Variants in PHIP observed in about 807,000 individuals in gnomAD.
PHIP encodes PHIP subunit of CUL4-Ring ligase complex.
PHIP carries 54 observed loss-of-function variants against 236.8 expected under a neutral mutation model. The ratio of observed to expected loss-of-function variants is 0.23; its 90% confidence interval spans 0.18 to 0.29. The LOEUF (loss-of-function observed/expected upper bound fraction) is 0.29. Ranked by LOEUF, PHIP falls within the 10% of genes least tolerant of loss-of-function variation. The probability of loss-of-function intolerance (pLI) is 1.00; values close to 1 mark genes in which losing one functional copy is unlikely to be tolerated. For synonymous variants in PHIP, 756 were observed against 718.9 expected, an observed-to-expected ratio of 1.05 and a Z score of -0.83; for missense variants, 1,370 against 2,190.8, an observed-to-expected ratio of 0.63 and a Z score of 7.48.
chr6:78,996,056 C>G (rs1769591954), intron 19 of PHIP, among the ~76,000 whole-genome samples: 1 of 152,202 alleles, frequency 6.6e-6, no homozygotes, highest in Admixed American at 6.5e-5. Context: ...CTTCCTCACT[C>G]CTCAGGTTCC....
intron 6 of PHIP, among the ~76,000 whole-genome samples, chr6:79,056,639 T>C (rs1487030848): frequency 6.6e-6 from 1 of 152,094 alleles, no homozygotes; most frequent in Non-Finnish European, 1.5e-5. Flanking sequence ...GGGATGCTAA[T>C]AAACATCCAA....
chr6:79,037,699 C>G (rs1772008907), intron 7 of PHIP, among the ~76,000 whole-genome samples: 1 of 152,310 alleles, frequency 6.6e-6, no homozygotes, highest in Non-Finnish European at 1.5e-5. Flanking sequence ...AACCGAAGTA[C>G]AGTAGCAGAG....
At chr6:78,980,773 G>T (rs1768472515) in intron 23 of PHIP, among the ~76,000 whole-genome samples, 1 of 151,964 alleles carries the variant, frequency 6.6e-6, no homozygotes, top group Non-Finnish European at 1.5e-5. Context: ...ATACTGAGGA[G>T]CTAAAAGTTT....
intron 7 of PHIP, among the ~76,000 whole-genome samples, chr6:79,032,727 G>A (rs970247991): frequency 3.3e-5 from 5 of 151,212 alleles, no homozygotes; most frequent in African/African-American, 1.2e-4. Flanking sequence ...TCCTGTTAAT[G>A]TTGACATTCT....
At chr6:79,021,722 G>A (rs193011742) in intron 9 of PHIP, among the ~76,000 whole-genome samples, 1 of 152,272 alleles carries the variant, frequency 6.6e-6, no homozygotes, top group Non-Finnish European at 1.5e-5. Context: ...ATTATAGGCT[G>A]GGAAAGGTAG....
At position 78,983,040 on chromosome 6, in the gene PHIP, T is replaced by C. The variant is rs771336256; in HGVS notation, c.2615A>G (p.Asn872Ser). ...NLQPPKKVPK[N>S]KTKKAESSSD... ...ACTGCTTTCTGCTTTCTTGGTTTTATTCTTAGGAACTTTCTTTGGTGGCTG... is the reference window on the plus strand; with the variant it reads ...ACTGCTTTCTGCTTTCTTGGTTTTACTCTTAGGAACTTTCTTTGGTGGCTG... The change falls in exon 23 of 40, where the codon AAT becomes AGT. Residue 872 changes from asparagine (N) to serine (S), a missense_variant. Coordinates refer to ENST00000275034, the MANE Select transcript of PHIP (RefSeq NM_017934.7). 5.6e-6 allele frequency: 9 copies of C among 1,612,684 alleles called. No homozygotes were observed. Among genetic ancestry groups the C allele is most frequent in the Admixed American group, 1.7e-5 (1 of 59,830 alleles).
chr6:78,978,377 A>C (rs1025633343), intron 24 of PHIP, among the ~76,000 whole-genome samples: 9 of 152,026 alleles, frequency 5.9e-5, no homozygotes, highest in Admixed American at 2.0e-4. Flanking sequence ...CACTAACAAA[A>C]TTTTCATTCT....
intron 4 of PHIP, among the ~76,000 whole-genome samples, chr6:79,068,376 T>C (rs554761958): frequency 1.1e-4 from 16 of 152,228 alleles, no homozygotes; most frequent in African/African-American, 3.4e-4. Flanking sequence ...AGCAGGAGAA[T>C]TGCCTGAACC....
chr6:79,053,340 T>C (rs1263212246), intron 6 of PHIP, among the ~76,000 whole-genome samples: 4 of 152,036 alleles, frequency 2.6e-5, no homozygotes, highest in African/African-American at 4.8e-5. Flanking sequence ...ATTAAAAATG[T>C]AGGGTTATCT....
At position 79,009,818 on chromosome 6, in the gene PHIP, C is replaced by A. The variant is rs138886828; in HGVS notation, c.1524+5264G>T. ...AATGCAGTGTGAGAAGCTGGAGAGA[C>A]AAACTCACATTCATGGCAACAGATT... On this transcript the variant is annotated intron_variant, in intron 15 of 39. Coordinates refer to ENST00000275034, the MANE Select transcript of PHIP (RefSeq NM_017934.7). 6.4e-4 allele frequency among the ~76,000 whole-genome samples: 97 copies of A among 152,084 alleles called. 1 individual carries two copies. In the South Asian group the frequency reaches 8.1e-3, roughly 13 times the overall value.
chr6:78,954,938 C>T lies in PHIP; in HGVS notation c.3929G>A (p.Arg1310His), dbSNP rs909398575. ...RKDHQPRRRL[R>H]NRAQSYDIQA... ...AATATCGTAAGACTGGGCTCTATTACGTAATCTTCTTCTAGGCTGATGGTC... is the reference window on the plus strand; with the variant it reads ...AATATCGTAAGACTGGGCTCTATTATGTAATCTTCTTCTAGGCTGATGGTC... Residue 1310 changes from arginine to histidine, a missense_variant, in exon 35 of 40, where the codon CGT (arginine) becomes CAT (histidine). Coordinates refer to ENST00000275034, the MANE Select transcript of PHIP (RefSeq NM_017934.7). The T allele has an allele frequency of 8.3e-6, 13 of 1,571,032 alleles. No individual in the cohort carries two copies. Among genetic ancestry groups the T allele is most frequent in the African/African-American group, 2.8e-5 (2 of 72,184 alleles).
At chr6:79,072,367 G>A (rs570620793) in intron 4 of PHIP, among the ~76,000 whole-genome samples, 1 of 152,162 alleles carries the variant, frequency 6.6e-6, no homozygotes, top group South Asian at 2.1e-4. Context: ...TTTTTCCAGA[G>A]GTCTATCCAC....
At chr6:79,041,266 A>C (rs1772195186) in intron 7 of PHIP, among the ~76,000 whole-genome samples, 1 of 152,122 alleles carries the variant, frequency 6.6e-6, no homozygotes, top group Non-Finnish European at 1.5e-5. Flanking sequence ...AGCATGCTGA[A>C]CCCTGGTTCA....
At chr6:79,016,889 C>A (rs145181437) in intron 12 of PHIP, among the ~76,000 whole-genome samples, 1 of 151,766 alleles carries the variant, frequency 6.6e-6, no homozygotes, top group African/African-American at 2.4e-5. Context: ...GAAATAAAAT[C>A]GACATTTTCC....
intron 39 of PHIP, among the ~76,000 whole-genome samples, chr6:78,941,941 G>T (rs1403933918): frequency 6.6e-6 from 1 of 152,138 alleles, no homozygotes; most frequent in Non-Finnish European, 1.5e-5. Context: ...AGGATCTGGA[G>T]ATGATGAATT....
intron 20 of PHIP, among the ~76,000 whole-genome samples, chr6:78,990,168 T>G (rs1328097004): frequency 6.6e-6 from 1 of 152,166 alleles, no homozygotes; most frequent in African/African-American, 2.4e-5. Flanking sequence ...GATAGTGACT[T>G]GGACCTAAAA....
At chr6:79,053,490 C>A (rs924883676) in intron 6 of PHIP, among the ~76,000 whole-genome samples, 1 of 152,090 alleles carries the variant, frequency 6.6e-6, no homozygotes, top group Non-Finnish European at 1.5e-5. Flanking sequence ...ACATAGTTTT[C>A]TTTTACTTTT....
intron 4 of PHIP, among the ~76,000 whole-genome samples, chr6:79,067,369 T>C (rs1773674412): frequency 6.6e-6 from 1 of 152,206 alleles, no homozygotes; most frequent in African/African-American, 2.4e-5. Flanking sequence ...TTGAGTTGCT[T>C]GCTATGGGAA....
At chr6:78,997,250 TATATTTTAGAAAC>T (rs1769682350) in intron 19 of PHIP, among the ~76,000 whole-genome samples, 151 bp downstream of exon 19, 1 of 152,138 alleles carries the variant, frequency 6.6e-6, no homozygotes, top group South Asian at 2.1e-4. Context: ...TAGAAATAAA[TATATTTTAGAAAC>T]TTAATTTTTC....
Sources: allele counts gnomAD v4.1 joint callset (sites outside exome capture counted in the v4.1 genomes callset), GRCh38; gene constraint gnomAD v4.1.1; transcripts MANE v1.5; gene names NCBI Gene and HGNC (gene_info 2026-07-23, HGNC 2026-07-21).